CALN1: variants seen among roughly 807,000 people sequenced by gnomAD.
CALN1 encodes the protein calcium-binding protein 8.
Under a neutral mutation model 30.6 loss-of-function variants are expected in CALN1, and 17 were observed. That is an observed-to-expected ratio of 0.56 (90% confidence interval 0.38 to 0.83). The LOEUF (loss-of-function observed/expected upper bound fraction) is 0.83, where lower values mean the gene tolerates loss of function less well. Among genes scored for constraint, CALN1 ranks in the 40% least tolerant of loss-of-function variants. The pLI, the probability that CALN1 is intolerant of heterozygous loss-of-function variation, is 0.00. For synonymous variants in CALN1, 156 were observed against 131.4 expected (o/e 1.19, Z -1.28); for missense variants, 291 against 354.9 (o/e 0.82, Z 1.45).
At chr7:72,155,487 G>A (rs1310664260) in intron 3 of CALN1, among the ~76,000 whole-genome samples, 2 of 143,978 alleles carry the variant, frequency 1.4e-5, no homozygotes, top group Non-Finnish European at 3.0e-5. Context: ...GCAAGACTCT[G>A]TCTCAAAAAA....
chr7:71,937,798 G>C (rs549185588), intron 5 of CALN1, among the ~76,000 whole-genome samples: 58 of 152,256 alleles, frequency 3.8e-4, no homozygotes, highest in African/African-American at 1.2e-3. Flanking sequence ...ATATTTGAAG[G>C]CTGTAGCCAT....
intron 5 of CALN1, among the ~76,000 whole-genome samples, chr7:71,874,940 G>A (rs140955202): frequency 3.2e-4 from 48 of 152,106 alleles, no homozygotes; most frequent in African/African-American, 1.1e-3. Flanking sequence ...CGAGGTGGGC[G>A]GATCACTTGA....
At position 72,412,076 on chromosome 7, in the gene CALN1, C is replaced by T. The variant is rs1807204471; in HGVS notation, c.-92G>A. 1 of 152,228 alleles carries T rather than the reference C, an allele frequency of 6.6e-6. No individual in the cohort carries two copies. Among genetic ancestry groups the T allele is most frequent in the Non-Finnish European group, 1.5e-5 (1 of 68,060 alleles). 9.4% of individuals were successfully genotyped at this position (152,228 alleles called of 1,614,324 possible). On this transcript the variant is annotated 5_prime_UTR_variant, in exon 1 of 7. Coordinates refer to ENST00000395275, the MANE Select transcript of CALN1 (RefSeq NM_031468.4). ...TGCCCACCTGTGTGCGGAATTTATT[C>T]CTTCTGCTGGGTTGTTGGTCTCGCC...
At chr7:72,106,714 G>A (rs867772315) in intron 3 of CALN1, among the ~76,000 whole-genome samples, 1,446 of 11,128 alleles carry the variant, frequency 0.13, 352 homozygotes, top group East Asian at 0.65. Flanking sequence ...GGGAGGGAGG[G>A]AGGAAGGGAG....
At chr7:71,827,788 A>AAATAAAT (rs1789014729) in intron 5 of CALN1, among the ~76,000 whole-genome samples, 1 of 149,374 alleles carries the variant, frequency 6.7e-6, no homozygotes, top group South Asian at 2.1e-4. Context: ...ATAAATAAAT[A>AAATAAAT]AATAAATAAA....
At chr7:72,202,483 A>G (rs1377217437) in intron 3 of CALN1, among the ~76,000 whole-genome samples, 1 of 152,246 alleles carries the variant, frequency 6.6e-6, no homozygotes, top group African/African-American at 2.4e-5. Context: ...CTGGCAGAAT[A>G]TGTATTGAAA....
At chr7:71,954,340 T>C (rs1206534055) in intron 5 of CALN1, among the ~76,000 whole-genome samples, 1 of 151,560 alleles carries the variant, frequency 6.6e-6, no homozygotes, top group Non-Finnish European at 1.5e-5. Context: ...CACACCTGTA[T>C]TCCCAGCTGC....
chr7:72,077,016 C>A (rs566344547), intron 4 of CALN1, among the ~76,000 whole-genome samples: 1 of 151,118 alleles, frequency 6.6e-6, no homozygotes, highest in Non-Finnish European at 1.5e-5. Flanking sequence ...TACAGCAAAA[C>A]CAAGAATCAA....
chr7:72,301,631 C>G (rs1161502517), intron 2 of CALN1, among the ~76,000 whole-genome samples: 4 of 80,608 alleles, frequency 5.0e-5, no homozygotes, highest in Non-Finnish European at 1.0e-4. Flanking sequence ...AAAAAAAAAG[C>G]AAGCAGTGAT....
chr7:72,439,647 G>A (rs535233779), intron 1 of CALN1, among the ~76,000 whole-genome samples: 10 of 149,324 alleles, frequency 6.7e-5, no homozygotes, highest in East Asian at 6.0e-4. Context: ...GCGCAATCTC[G>A]GCTCACTGCA....
At chr7:72,126,562 G>A (rs1808778814) in intron 3 of CALN1, among the ~76,000 whole-genome samples, 1 of 152,136 alleles carries the variant, frequency 6.6e-6, no homozygotes, top group South Asian at 2.1e-4. Flanking sequence ...TGTCAACTGA[G>A]CAATGTACAC....
intron 2 of CALN1, among the ~76,000 whole-genome samples, chr7:72,343,824 T>TCTCCA (rs913146537): frequency 2.0e-5 from 3 of 152,158 alleles, no homozygotes; most frequent in African/African-American, 7.2e-5. Flanking sequence ...CATTGTGGTG[T>TCTCCA]CTCCAGGCGA....
chr7:72,331,444 G>A (rs1264493632), intron 2 of CALN1, among the ~76,000 whole-genome samples: 2 of 152,132 alleles, frequency 1.3e-5, no homozygotes, highest in Non-Finnish European at 1.5e-5. Flanking sequence ...TAGATACAGG[G>A]ACCCAAAACT....
chr7:71,887,647 G>C (rs371316420), intron 5 of CALN1, among the ~76,000 whole-genome samples: 2 of 152,210 alleles, frequency 1.3e-5, no homozygotes, highest in East Asian at 1.9e-4. Context: ...GCAAACATAG[G>C]GGGAGGGAGA....
intron 2 of CALN1, among the ~76,000 whole-genome samples, chr7:72,400,384 A>G (rs1447651941): frequency 6.6e-6 from 1 of 152,178 alleles, no homozygotes; most frequent in African/African-American, 2.4e-5. Context: ...AATCATCTTC[A>G]TATGGACAGA....
At chr7:72,086,964 A>T (rs1380908459) in intron 4 of CALN1, among the ~76,000 whole-genome samples, 1 of 152,174 alleles carries the variant, frequency 6.6e-6, no homozygotes, top group Non-Finnish European at 1.5e-5. Context: ...TTACATGATT[A>T]TCTCAATAGA....
At chr7:71,910,366 C>T (rs190373219) in intron 5 of CALN1, among the ~76,000 whole-genome samples, 1 of 152,330 alleles carries the variant, frequency 6.6e-6, no homozygotes, top group East Asian at 1.9e-4. Flanking sequence ...CATACATCCA[C>T]ATCTAACTTC....
chr7:71,895,793 G>C (rs778482522), intron 5 of CALN1, among the ~76,000 whole-genome samples: 5 of 152,268 alleles, frequency 3.3e-5, no homozygotes, highest in African/African-American at 1.2e-4. Context: ...ATTAGAGTTC[G>C]TGCTTGACTC....
At chr7:72,502,705 T>A in the CALN1 span, among the ~76,000 whole-genome samples, 1 of 152,238 alleles carries the variant, frequency 6.6e-6, no homozygotes, top group Non-Finnish European at 1.5e-5. Context: ...AATATAGTTA[T>A]AATTTTTGGT....
Sources: allele counts gnomAD v4.1 joint callset (sites outside exome capture counted in the v4.1 genomes callset), GRCh38; gene constraint gnomAD v4.1.1; transcripts MANE v1.5; gene names NCBI Gene and HGNC (gene_info 2026-07-23, HGNC 2026-07-21).